Variants in NLRP7 observed in about 807,000 individuals in gnomAD.
NLRP7 encodes NACHT, LRR and PYD domains-containing protein 7.
A neutral mutation model predicts 85.5 loss-of-function variants in NLRP7; 72 were observed. The observed-to-expected ratio is 0.84, with a 90% CI of 0.70 to 1.02. The LOEUF (loss-of-function observed/expected upper bound fraction) is 1.02. Ranked by LOEUF, NLRP7 falls within the 50% of genes least tolerant of loss-of-function variation. NLRP7 has a pLI of 0.00. For missense variants in NLRP7, 1,243 were observed against 1,219.5 expected (o/e 1.02, Z -0.29); for synonymous variants, 550 against 505.2 (o/e 1.09, Z -1.19).
In NLRP7 at chr19:54,965,239, C is replaced by T. The variant is rs1360570853; in HGVS notation, c.-77+801G>A. On this transcript the variant is annotated intron_variant, in intron 1 of 2. Coordinates refer to the NLRP7 transcript ENST00000587103. The stretch of plus-strand genomic sequence containing the variant: ...CCCCCAAAAGACCTCTCAGTAATTC[C>T]GGTGGATACAGGAAGTGCTCAGCAA... The T allele has an allele frequency of 3.1e-4, 31 of 99,326 alleles. 2 individuals are homozygous for T. Among genetic ancestry groups the T allele is most frequent in the African/African-American group, 1.4e-3 (29 of 21,328 alleles). 6.2% of individuals were successfully genotyped at this position (99,326 alleles called of 1,614,324 possible).
At chr19:54,953,868 G>A (rs1419553429) in intron 1 of NLRP7, among the ~76,000 whole-genome samples, 2 of 151,622 alleles carry the variant, frequency 1.3e-5, no homozygotes, top group Non-Finnish European at 2.9e-5. Flanking sequence ...TTAGCTGGGC[G>A]TGGTGGCGGG....
Position 54,940,596 on chromosome 19 carries a change from G to A in NLRP7, c.353-130C>T. The A allele has an allele frequency of 6.7e-6, 7 of 1,045,640 alleles. No individual in the cohort carries two copies. The South Asian group carries it at 8.8e-5, about 13-fold the overall frequency. 64.8% of individuals were successfully genotyped at this position (1,045,640 alleles called of 1,614,324 possible). A position where few individuals can be genotyped will look rare whatever the true frequency, so the allele number is the denominator to read the frequency against. On this transcript the variant is annotated intron_variant, in intron 3 of 9. Transcript: ENST00000340844. The stretch of plus-strand genomic sequence containing the variant: ...AATCCCGGCACTTTGGGAGGCCAAG[G>A]TGGGTGGATCACTTGAGGTCAGGAG...
rs749383116 is a variant in NLRP7, at chr19:54,936,427, T to C, written c.2134A>G (p.Lys712Glu). 82 of 1,613,686 alleles carry C rather than the reference T, an allele frequency of 5.1e-5. No individual in the cohort carries two copies. In the South Asian group the frequency reaches 7.9e-4, roughly 16 times the overall value. Residue 712 changes from lysine (K) to glutamate (E), a missense_variant, in exon 6 of 10, where the codon AAA becomes GAA. Around this residue, in one of 3 missense-constraint regions of NLRP7, gnomAD observed 613 missense variants for 588.4 expected, o/e 1.04. Coordinates refer to ENST00000340844, the Ensembl canonical transcript of NLRP7. ...TACGCGGTGTCAGGGGTGACGTTTT[T>C]AATCCTAGGGAAAAGCAGAAGAGAT...
At chr19:54,944,925 G>A (rs551708593) in intron 1 of NLRP7, among the ~76,000 whole-genome samples, 3 of 152,090 alleles carry the variant, frequency 2.0e-5, no homozygotes, top group Non-Finnish European at 2.9e-5. Context: ...CAGTGACAAC[G>A]CTTGATGTAC....
At chr19:54,939,727 C>A in exon 4 of NLRP7, 1 of 1,613,528 alleles carries the variant, frequency 6.2e-7, no homozygotes, top group Non-Finnish European at 8.5e-7. Context: ...TCCAGCACAC[C>A]GCGGGGGCCG....
chr19:54,941,737 T>A (rs768490166), exon 2 of NLRP7: 1 of 1,603,902 alleles, frequency 6.2e-7, no homozygotes, highest in South Asian at 1.1e-5. Context: ...AGACCTTAGG[T>A]TAAGGCTGAA....
At chr19:54,936,200 C>A in intron 6 of NLRP7, 61 bp downstream of exon 6, 1 of 1,477,850 alleles carries the variant, frequency 6.8e-7, no homozygotes, top group Non-Finnish European at 9.4e-7. Flanking sequence ...TTCCTAGATC[C>A]CCCAGCAACA....
chr19:54,936,492 T>G, intron 5 of NLRP7, 61 bp from the exon 6 acceptor site: 1 of 1,384,994 alleles, frequency 7.2e-7, no homozygotes, highest in Non-Finnish European at 1.0e-6. Context: ...TGTGGAGGCA[T>G]GTATAAACAA....
rs202009680 is a variant in NLRP7, at chr19:54,927,778, G to A, written c.2810+2721C>T. The stretch of plus-strand genomic sequence containing the variant: ...GCATGAGGGAGCAGCTCCAGAGGCT[G>A]TTGAGGAAGAACATGGAAATCCACG... On this transcript the variant is annotated intron_variant, in intron 9 of 9. Transcript: ENST00000340844. 1.9e-6 allele frequency: 3 copies of A among 1,613,560 alleles called. No individual in the cohort carries two copies. In the East Asian group the frequency reaches 6.7e-5, roughly 36 times the overall value.
In NLRP7 at chr19:54,962,581, T is replaced by TTTTC. The variant is rs562882976; in HGVS notation, c.-77+3455_-77+3458dup. Among the ~76,000 whole-genome samples, 6 of 142,682 alleles carry TTTTC rather than the reference T, an allele frequency of 4.2e-5. No homozygotes were observed. The South Asian group carries it at 7.2e-4, about 17-fold the overall frequency. 93.6% of individuals were successfully genotyped at this position (142,682 alleles called of 152,430 possible). On this transcript the variant is annotated intron_variant, in intron 1 of 2. Coordinates refer to the NLRP7 transcript ENST00000587103. The stretch of plus-strand genomic sequence containing the variant: ...TCACCACGCCCGGCCCCTCATTTTC[T>TTTTC]TTTCTTTCTTTCTTTCTTTTTTGTT...
At chr19:54,924,722 G>C (rs961389367) in intron 9 of NLRP7, among the ~76,000 whole-genome samples, 5 of 152,140 alleles carry the variant, frequency 3.3e-5, no homozygotes, top group Admixed American at 3.3e-4. Context: ...GATCACCTGA[G>C]GTCAGGAATT....
chr19:54,927,688 C>A, intron 9 of NLRP7: 1 of 1,614,132 alleles, frequency 6.2e-7, no homozygotes, highest in East Asian at 2.2e-5. Context: ...GATTCTGGCC[C>A]AGGTCCAGAG....
chr19:54,960,918 T>C (rs2070021042), intron 1 of NLRP7, among the ~76,000 whole-genome samples: 1 of 151,788 alleles, frequency 6.6e-6, no homozygotes, highest in Non-Finnish European at 1.5e-5. Context: ...CTTAATCCCA[T>C]GCATTTGAGT....
At chr19:54,942,511 G>A (rs966889448) in intron 1 of NLRP7, among the ~76,000 whole-genome samples, 18 of 151,796 alleles carry the variant, frequency 1.2e-4, no homozygotes, top group African/African-American at 3.6e-4. Context: ...ATAACCTGAG[G>A]TCGGGAGCTC....
chr19:54,950,807 A>T (rs569359289), upstream of NLRP7, among the ~76,000 whole-genome samples: 10 of 152,292 alleles, frequency 6.6e-5, no homozygotes, highest in South Asian at 2.1e-3. Context: ...CTCTTTTACT[A>T]ATCCGCCTCA....
chr19:54,923,607 A>G, exon 10 of NLRP7: 1 of 1,026,726 alleles, frequency 9.7e-7, no homozygotes, highest in South Asian at 1.3e-5. Context: ...AAAAATAGTG[A>G]GAAAACCAGT....
chr19:54,935,772 T>C (rs2068893134), intron 6 of NLRP7, among the ~76,000 whole-genome samples: 1 of 151,590 alleles, frequency 6.6e-6, no homozygotes, highest in Non-Finnish European at 1.5e-5. Flanking sequence ...CTCCTGATGA[T>C]CTGAGATTGA....
At chr19:54,930,404 G>A in intron 9 of NLRP7, 95 bp downstream of exon 9, 1 of 853,320 alleles carries the variant, frequency 1.2e-6, no homozygotes, top group Non-Finnish European at 1.9e-6. Context: ...CGAAGCCGCA[G>A]TGAGCCGTAA....
Position 54,939,671 on chromosome 19 carries a change from G to T in NLRP7, c.1148C>A (p.Pro383Gln). 1.2e-6 allele frequency: 2 copies of T among 1,612,738 alleles called. No individual in the cohort carries two copies. Among genetic ancestry groups the T allele is most frequent in the South Asian group, 1.1e-5 (1 of 91,006 alleles). Residue 383 changes from proline to glutamine, a missense_variant, in exon 4 of 10, where the codon CCG (proline) becomes CAG (glutamine). Around this residue, in one of 3 missense-constraint regions of NLRP7, gnomAD observed 591 missense variants for 563.3 expected, o/e 1.05. Coordinates refer to ENST00000340844, the Ensembl canonical transcript of NLRP7. The stretch of plus-strand genomic sequence containing the variant: ...CGTGCGGGTGAGGCAGGTGGGGACC[G>T]GGTCCTCCCCCTTCTCCATCTGCAG...
Sources: gnomAD v4.1 joint callset for allele counts (sites outside exome capture counted in the v4.1 genomes callset) on GRCh38, gnomAD v4.1.1 for gene constraint, gnomAD v4.1.1 regional missense constraint, MANE v1.5 for transcripts, NCBI Gene and HGNC (gene_info 2026-07-23, HGNC 2026-07-21) for gene names.